The following PCDH15 variants were observed in gnomAD, a reference collection of about 807,000 sequenced individuals.
PCDH15 encodes the protein protocadherin related 15.
PCDH15 carries 129 observed loss-of-function variants against 178.5 expected under a neutral mutation model. The observed-to-expected ratio is 0.72, with a 90% CI of 0.63 to 0.84. PCDH15 has a LOEUF of 0.84. PCDH15 is among the 40% of genes least tolerant of loss of function. PCDH15 has a pLI of 0.00. For missense variants in PCDH15, 2,230 were observed against 2,099.9 expected (o/e 1.06, Z -1.21); for synonymous variants, 800 against 732.0 (o/e 1.09, Z -1.50).
intron 1 of PCDH15, among the ~76,000 whole-genome samples, chr10:54,674,471 A>T (rs1027365280): frequency 2.0e-5 from 3 of 152,128 alleles, no homozygotes; most frequent in African/African-American, 7.2e-5. Flanking sequence ...CAGTAACTCA[A>T]AGTCTAATAC....
chr10:54,841,003 A>G (rs1423458191), intron 3 of PCDH15, among the ~76,000 whole-genome samples: 2 of 151,854 alleles, frequency 1.3e-5, no homozygotes, highest in Non-Finnish European at 3.0e-5. Flanking sequence ...CCCAATTTCC[A>G]TACTGGATAG....
At chr10:53,978,746 G>A (rs2090395145) in intron 21 of PCDH15, among the ~76,000 whole-genome samples, 1 of 148,934 alleles carries the variant, frequency 6.7e-6, no homozygotes, top group Non-Finnish European at 1.5e-5. Flanking sequence ...TTGCTACTTA[G>A]AAATTTCTTC....
chr10:53,958,616 C>A (rs2087876439), intron 23 of PCDH15, among the ~76,000 whole-genome samples: 1 of 152,104 alleles, frequency 6.6e-6, no homozygotes, highest in African/African-American at 2.4e-5. Context: ...CCAGAAGAGA[C>A]CCTGAACCTG....
chr10:54,301,358 A>C (rs2060139598), intron 8 of PCDH15, among the ~76,000 whole-genome samples: 1 of 152,228 alleles, frequency 6.6e-6, no homozygotes, highest in Non-Finnish European at 1.5e-5. Flanking sequence ...GTCTTCTATC[A>C]TTCTGTTGTA....
chr10:55,235,363 T>C (rs930876325), intron 1 of PCDH15, among the ~76,000 whole-genome samples: 2 of 152,096 alleles, frequency 1.3e-5, no homozygotes, highest in Non-Finnish European at 2.9e-5. Context: ...TCGTCAACCC[T>C]AAAAAATATG....
chr10:55,598,547 T>G (rs1288919677), intron 2 of PCDH15, among the ~76,000 whole-genome samples: 3 of 50,202 alleles, frequency 6.0e-5, no homozygotes, highest in Admixed American at 2.0e-4. Flanking sequence ...TATATATATA[T>G]ATATATATAT....
intron 26 of PCDH15, among the ~76,000 whole-genome samples, chr10:53,889,519 A>G (rs1308431898): frequency 6.6e-6 from 1 of 151,078 alleles, no homozygotes; most frequent in East Asian, 1.9e-4. Context: ...AAACCATCAC[A>G]TGTTCATCAC....
intron 14 of PCDH15, among the ~76,000 whole-genome samples, chr10:54,136,668 C>G (rs77277595): frequency 1.3e-5 from 2 of 152,176 alleles, no homozygotes; most frequent in East Asian, 3.9e-4. Flanking sequence ...CAATAAGGAC[C>G]TTAAACTCGT....
At chr10:54,626,867 G>T (rs2093568779) in intron 2 of PCDH15, among the ~76,000 whole-genome samples, 2 of 152,152 alleles carry the variant, frequency 1.3e-5, no homozygotes, top group Non-Finnish European at 2.9e-5. Context: ...AAAGCAGCTG[G>T]GAATGAGACT....
chr10:54,790,020 T>C (rs1951239899), intron 1 of PCDH15, among the ~76,000 whole-genome samples: 1 of 151,842 alleles, frequency 6.6e-6, no homozygotes, highest in South Asian at 2.1e-4. Flanking sequence ...GAAAGATTAG[T>C]GGTGTCAGTT....
chr10:54,882,002 G>A (rs1954272288), intron 3 of PCDH15, among the ~76,000 whole-genome samples: 1 of 151,956 alleles, frequency 6.6e-6, no homozygotes, highest in African/African-American at 2.4e-5. Flanking sequence ...TTTCTGTTTT[G>A]TTCCCATCTA....
intron 13 of PCDH15, among the ~76,000 whole-genome samples, 184 bp downstream of exon 13, chr10:54,183,260 C>G (rs555777664): frequency 6.6e-6 from 1 of 152,326 alleles, no homozygotes; most frequent in East Asian, 1.9e-4. Flanking sequence ...CGTGAGCCAC[C>G]ATGCCTGGCG....
At chr10:55,172,370 GA>G (rs1839359398) in intron 1 of PCDH15, among the ~76,000 whole-genome samples, 1 of 151,728 alleles carries the variant, frequency 6.6e-6, no homozygotes, top group South Asian at 2.1e-4. Context: ...CATGACCTTT[GA>G]TTTTTGAATT....
chr10:54,866,181 T>C (rs10825410), intron 3 of PCDH15, among the ~76,000 whole-genome samples: 51,693 of 152,086 alleles, frequency 0.34, 9,359 homozygotes, highest in East Asian at 0.69. Context: ...GTTTAGTTCA[T>C]GCGTTAAATT....
rs1350129386 is a variant in PCDH15, at chr10:54,237,052, C to A, written c.877-121G>T. 2.2e-5 allele frequency: 19 copies of A among 849,770 alleles called. No individual in the cohort carries two copies. The African/African-American group carries it at 2.8e-4, about 13-fold the overall frequency. The allele number at this position is 849,770 out of a possible 1,614,324, so 52.6% of individuals were successfully genotyped here. ...CTGAGACAGTAAACTCAAGTTTCAACATTTATGATCTAATACCTTTTACTA... is the reference window on the plus strand; with the variant it reads ...CTGAGACAGTAAACTCAAGTTTCAAAATTTATGATCTAATACCTTTTACTA... On this transcript the variant is annotated intron_variant, in intron 8 of 37. Coordinates refer to ENST00000644397, the MANE Select transcript of PCDH15 (RefSeq NM_001384140.1).
intron 2 of PCDH15, among the ~76,000 whole-genome samples, chr10:55,461,276 C>A (rs1565162378): frequency 6.6e-6 from 1 of 152,126 alleles, no homozygotes; most frequent in Non-Finnish European, 1.5e-5. Flanking sequence ...GCCTGGGATA[C>A]TCCTCCCTGC....
intron 18 of PCDH15, among the ~76,000 whole-genome samples, chr10:54,054,779 C>A (rs2093849904): frequency 6.6e-6 from 1 of 151,938 alleles, no homozygotes; most frequent in South Asian, 2.1e-4. Flanking sequence ...TATTATGTAG[C>A]ACATTTATAT....
chr10:53,894,764 C>T (rs2081835944), intron 26 of PCDH15, among the ~76,000 whole-genome samples: 1 of 152,142 alleles, frequency 6.6e-6, no homozygotes, highest in African/African-American at 2.4e-5. Context: ...AAACCATCAG[C>T]TTAAAGATTT....
intron 1 of PCDH15, among the ~76,000 whole-genome samples, chr10:54,707,327 C>T (rs1458853294): frequency 2.0e-5 from 3 of 152,120 alleles, no homozygotes; most frequent in Non-Finnish European, 2.9e-5. Context: ...ATAGATACCA[C>T]TGTTCTTGCC....
Sources: gnomAD v4.1 joint callset for allele counts (sites outside exome capture counted in the v4.1 genomes callset) on GRCh38, gnomAD v4.1.1 for gene constraint, MANE v1.5 for transcripts, NCBI Gene and HGNC (gene_info 2026-07-23, HGNC 2026-07-21) for gene names.